Variants in MAPK10 observed in about 807,000 individuals in gnomAD.
The protein encoded by MAPK10 is mitogen-activated protein kinase 10, also known as JNK3 alpha protein kinase.
MAPK10 carries 25 observed loss-of-function variants against 59.3 expected under a neutral mutation model. The observed-to-expected ratio is 0.42, with a 90% CI of 0.31 to 0.59. The LOEUF is 0.59. Ranked by LOEUF, MAPK10 falls within the 20% of genes least tolerant of loss-of-function variation. MAPK10 has a pLI of 0.15. For missense variants in MAPK10, 351 were observed against 568.9 expected (o/e 0.62, Z 3.90); for synonymous variants, 190 against 200.5 (o/e 0.95, Z 0.44).
At chr4:86,075,883 A>C (rs2049238322) in intron 9 of MAPK10, among the ~76,000 whole-genome samples, 1 of 152,128 alleles carries the variant, frequency 6.6e-6, no homozygotes, top group Non-Finnish European at 1.5e-5. Flanking sequence ...TGGGGCCTAC[A>C]GTGGCAGGCA....
At chr4:86,476,262 T>C (rs375285158) in intron 1 of MAPK10, among the ~76,000 whole-genome samples, 14 of 152,102 alleles carry the variant, frequency 9.2e-5, no homozygotes, top group African/African-American at 3.4e-4. Flanking sequence ...CAATTCTTCC[T>C]CAGCTTCTGC....
intron 2 of MAPK10, among the ~76,000 whole-genome samples, chr4:86,287,248 T>C (rs772115398): frequency 3.3e-5 from 5 of 152,226 alleles, no homozygotes; most frequent in Admixed American, 6.5e-5. Flanking sequence ...ATATGTTGTA[T>C]CTGCTTGTCA....
rs2096011372 is a variant in MAPK10 at position 86,325,910 on chromosome 4, T to C, written c.-7+28620A>G. ...TTATACTGAGCACTTACTGTGTTCA[T>C]GCAGCATGTCAGAGGACCAGCAAGA... On this transcript the variant is annotated intron_variant, in intron 2 of 13. Transcript: ENST00000641462. The C allele has an allele frequency of 2.0e-5, 3 of 152,350 alleles. No individual in the cohort carries two copies. In the South Asian group the frequency reaches 6.2e-4, roughly 32 times the overall value. 9.4% of individuals were successfully genotyped at this position (152,350 alleles called of 1,614,324 possible). A position where few individuals can be genotyped will look rare whatever the true frequency, so the allele number is the denominator to read the frequency against.
In MAPK10 at chr4:86,396,842, C is replaced by T. The variant is rs114097889; in HGVS notation, c.-121-42198G>A. 5.4e-3 allele frequency among the ~76,000 whole-genome samples: 828 copies of T among 152,144 alleles called. 13 individuals carry two copies. The highest frequency in any genetic ancestry group is 0.019 in the African/African-American group (776 of 41,508). Reference sequence around the variant, plus strand: ...CCTAAACACCTCCTACTAAGCCCACCGTCAACACGGGAATAACATTTCAAC... The same window carrying T: ...CCTAAACACCTCCTACTAAGCCCACTGTCAACACGGGAATAACATTTCAAC... On this transcript the variant is annotated intron_variant, in intron 1 of 13. Transcript: ENST00000361569.
At chr4:86,286,063 A>G (rs1395183238) in intron 2 of MAPK10, among the ~76,000 whole-genome samples, 1 of 152,244 alleles carries the variant, frequency 6.6e-6, no homozygotes, top group Non-Finnish European at 1.5e-5. Context: ...ACACCCTCAC[A>G]GACATACTCA....
chr4:86,320,927 C>T (rs1280955579), intron 2 of MAPK10, among the ~76,000 whole-genome samples: 2 of 151,962 alleles, frequency 1.3e-5, no homozygotes, highest in Admixed American at 6.6e-5. Flanking sequence ...GGGTGAAGGA[C>T]ATGAACAGAC....
chr4:86,506,932 T>G (rs537732416), intron 1 of MAPK10, among the ~76,000 whole-genome samples: 2 of 152,204 alleles, frequency 1.3e-5, no homozygotes, highest in African/African-American at 4.8e-5. Context: ...CTGCCCACAC[T>G]AATACAATAT....
intron 2 of MAPK10, among the ~76,000 whole-genome samples, chr4:86,352,642 G>T (rs1251575461): frequency 1.3e-5 from 2 of 152,098 alleles, no homozygotes; most frequent in South Asian, 2.1e-4. Context: ...GGACACATAG[G>T]GGTTTGCTGG....
rs556376164 is a variant in MAPK10 at position 86,206,586 on chromosome 4, G to T, written c.-6-12179C>A. ...AGTAATGGGATGGCTGGGTCAAATG[G>T]TATTTCTAGTTCTAGATCCCTGAAG... On this transcript the variant is annotated intron_variant, in intron 2 of 13. Transcript: ENST00000641462. Among the ~76,000 whole-genome samples the T allele has an allele frequency of 9.9e-4, 149 of 151,122 alleles. 2 individuals carry two copies. The highest frequency in any genetic ancestry group is 3.1e-3 in the African/African-American group (129 of 41,208).
At chr4:86,475,387 C>A (rs1021930895) in intron 1 of MAPK10, among the ~76,000 whole-genome samples, 2 of 152,284 alleles carry the variant, frequency 1.3e-5, no homozygotes, top group East Asian at 3.9e-4. Context: ...TAAGTGGCTT[C>A]TTTTTACTCT....
intron 1 of MAPK10, among the ~76,000 whole-genome samples, chr4:86,412,737 G>A (rs1043878063): frequency 5.9e-5 from 9 of 152,104 alleles, no homozygotes; most frequent in African/African-American, 1.9e-4. Context: ...TCGTGCTGTG[G>A]TTTTCAACTC....
chr4:86,537,391 C>T (rs1395108928), intron 1 of MAPK10, among the ~76,000 whole-genome samples: 1 of 152,146 alleles, frequency 6.6e-6, no homozygotes, highest in African/African-American at 2.4e-5. Context: ...TATCCCCTAG[C>T]TCTATTCACA....
chr4:86,064,450 C>A, intron 10 of MAPK10, 60 bp from the exon 11 acceptor site: 1 of 1,555,306 alleles, frequency 6.4e-7, no homozygotes, highest in South Asian at 1.1e-5. Flanking sequence ...GGAAATTTGT[C>A]AGAGAGGAAA....
chr4:86,216,282 CATATATATATAGCATATATATATAT>C (rs1168772069), intron 2 of MAPK10, among the ~76,000 whole-genome samples: 4 of 141,410 alleles, frequency 2.8e-5, no homozygotes, highest in Non-Finnish European at 6.1e-5. Context: ...AGCACACACA[CATATATATATAGCATATATATATAT>C]ATATATATAT....
At chr4:86,459,097 C>T (rs553293529) in intron 1 of MAPK10, among the ~76,000 whole-genome samples, 2 of 152,030 alleles carry the variant, frequency 1.3e-5, no homozygotes, top group Non-Finnish European at 2.9e-5. Flanking sequence ...AAAAAGTGGG[C>T]TAAGGCCATG....
chr4:86,449,441 C>T (rs777517889), intron 1 of MAPK10, among the ~76,000 whole-genome samples: 11 of 152,208 alleles, frequency 7.2e-5, no homozygotes, highest in African/African-American at 2.2e-4. Flanking sequence ...TTCAGTGACT[C>T]ATATGTTTCA....
chr4:86,371,398 T>C (rs904234288), intron 1 of MAPK10, among the ~76,000 whole-genome samples: 1 of 152,132 alleles, frequency 6.6e-6, no homozygotes, highest in Non-Finnish European at 1.5e-5. Context: ...CACTACTGTA[T>C]CATAAGGTAG....
chr4:86,473,651 G>A (rs1027155949), intron 1 of MAPK10, among the ~76,000 whole-genome samples: 3 of 152,094 alleles, frequency 2.0e-5, no homozygotes, highest in South Asian at 2.1e-4. Flanking sequence ...TTTTAAAACC[G>A]CATTAGAGAA....
At chr4:86,313,293 ATAAG>A (rs537395993) in intron 2 of MAPK10, among the ~76,000 whole-genome samples, 2 of 152,136 alleles carry the variant, frequency 1.3e-5, no homozygotes, top group Non-Finnish European at 2.9e-5. Flanking sequence ...CATCTAGAAA[ATAAG>A]TAAGAGGAAT....
Sources: allele counts gnomAD v4.1 joint callset (sites outside exome capture counted in the v4.1 genomes callset), GRCh38; gene constraint gnomAD v4.1.1; transcripts MANE v1.5; gene names NCBI Gene and HGNC (gene_info 2026-07-23, HGNC 2026-07-21).